APC2: variants seen among roughly 807,000 people sequenced by gnomAD.
The protein encoded by APC2 is APC regulator of Wnt signaling pathway 2.
A neutral mutation model predicts 72.5 loss-of-function variants in APC2; 41 were observed. The ratio of observed to expected loss-of-function variants is 0.57; its 90% CI spans 0.44 to 0.73. The LOEUF is 0.73. Ranked by LOEUF, APC2 falls within the 30% of genes least tolerant of loss-of-function variation. The probability of loss-of-function intolerance (pLI) is 0.00; values close to 1 mark genes in which losing one functional copy is unlikely to be tolerated. For missense variants in APC2, 3,729 were observed against 3,403.4 expected (o/e 1.10, Z -2.38); for synonymous variants, 1,898 against 1,612.0 (o/e 1.18, Z -4.25).
rs759319286 is a variant in APC2 at position 1,468,806 on chromosome 19, C to T, written c.5505C>T (p.Pro1835=). The part of the protein sequence containing the change: ...QPAAPAKVPS[P]GQQRSRSLHR... ...CGGCTCCAGCCAAAGTCCCGAGCCC[C>T]GGGCAGCAGCGGTCGCGGAGCCTAC... The change falls in exon 15 of 15, where the codon CCC becomes CCT. Residue 1835 remains proline (P), a synonymous_variant. Coordinates refer to ENST00000590469, the MANE Select transcript of APC2 (RefSeq NM_005883.3). 16 of 1,534,014 alleles carry T rather than the reference C, an allele frequency of 1.0e-5. No homozygotes were observed. The South Asian group carries it at 1.2e-4, about 11-fold the overall frequency.
intron 13 of APC2, 99 bp from the exon 14 acceptor site, chr19:1,461,859 AAAAAC>A: frequency 2.0e-6 from 2 of 1,015,438 alleles, no homozygotes; most frequent in Non-Finnish European, 2.8e-6. Context: ...CTCAAAAAAA[AAAAAC>A]AAAAAACAAA....
Position 1,456,888 on chromosome 19 carries a change from G to C in APC2, c.852G>C (p.Ala284=). Residue 284 remains alanine (A), a synonymous_variant, in exon 9 of 15, where the codon GCG becomes GCC. Coordinates refer to ENST00000590469, the MANE Select transcript of APC2 (RefSeq NM_005883.3). ...EVVFWLLSML[A]TRDQEDTART... The stretch of plus-strand genomic sequence containing the variant: ...TCTTCTGGCTGTTGTCCATGTTGGC[G>C]ACGCGCGACCAGGAGGATACAGCGC... 6.3e-7 allele frequency: 1 copy of C among 1,592,510 alleles called. No homozygotes were observed. Among genetic ancestry groups the C allele is most frequent in the Non-Finnish European group, 8.5e-7 (1 of 1,175,928 alleles).
In APC2 at chr19:1,457,973, C is replaced by G; in HGVS notation, c.1216C>G (p.Pro406Ala). 6.4e-7 allele frequency: 1 copy of G among 1,557,258 alleles called. No individual in the cohort carries two copies. Among genetic ancestry groups the G allele is most frequent in the Non-Finnish European group, 8.7e-7 (1 of 1,150,158 alleles). Residue 406 changes from proline (P) to alanine (A), a missense_variant, in exon 10 of 15, where the codon CCC becomes GCC. By Grantham distance (27) the Pro-to-Ala change is conservative. Coordinates refer to ENST00000590469, the MANE Select transcript of APC2 (RefSeq NM_005883.3). ...GGTCCCTGTGCCCACAGCCCCGATCCCCATCGAGCCGCAGATCTGCCAGGC... is the reference window on the plus strand; with the variant it reads ...GGTCCCTGTGCCCACAGCCCCGATCGCCATCGAGCCGCAGATCTGCCAGGC... ...EGGGAGSAPI[P>A]IEPQICQATC...
chr19:1,460,059 A>C, intron 10 of APC2, 122 bp from the exon 11 acceptor site: 1 of 1,352,376 alleles, frequency 7.4e-7, no homozygotes, highest in Non-Finnish European at 1.0e-6. Flanking sequence ...TTGGGCCTGG[A>C]AGGGGAACTT....
Position 1,469,085 on chromosome 19 carries a change from G to A in APC2, c.5784G>A (p.Val1928=), listed in dbSNP as rs2084083313. 2 of 1,501,966 alleles carry A rather than the reference G, an allele frequency of 1.3e-6. No individual in the cohort carries two copies. Among genetic ancestry groups the A allele is most frequent in the Non-Finnish European group, 1.8e-6 (2 of 1,124,312 alleles). The allele number at this position is 1,501,966 out of a possible 1,614,324, so 93.0% of individuals were successfully genotyped here. A position where few individuals can be genotyped will look rare whatever the true frequency, so the allele number is the denominator to read the frequency against. The part of the protein sequence containing the change: ...AKQHKTQRSP[V]RIPFMQRPAR... ...AGCACAAGACGCAGAGATCGCCCGT[G>A]CGGATCCCGTTCATGCAGAGGCCGG... Residue 1928 remains valine, a synonymous_variant, in exon 15 of 15, where the codon GTG becomes GTA. Transcript: ENST00000590469.
Position 1,469,137 on chromosome 19 carries a change from C to T in APC2, c.5836C>T (p.Arg1946Trp). ...PARRGPPPLARAVPEPGPRGR... is the reference protein window; with the variant it reads ...PARRGPPPLAWAVPEPGPRGR... ...CCGGCGTGGGCCGCCACCGCTGGCT[C>T]GGGCAGTCCCGGAGCCGGGCCCCAG... Residue 1946 changes from arginine to tryptophan, a missense_variant, in exon 15 of 15, where the codon CGG becomes TGG. By Grantham distance (101) the Arg-to-Trp change is moderately radical. Transcript: ENST00000590469. The T allele has an allele frequency of 1.5e-6, 2 of 1,312,902 alleles. No individual in the cohort carries two copies. Among genetic ancestry groups the T allele is most frequent in the South Asian group, 2.2e-5 (1 of 45,296 alleles). The allele number at this position is 1,312,902 out of a possible 1,614,324, so 81.3% of individuals were successfully genotyped here.
intron 10 of APC2, among the ~76,000 whole-genome samples, chr19:1,458,876 G>A (rs923028816): frequency 3.3e-5 from 5 of 152,070 alleles, no homozygotes; most frequent in Non-Finnish European, 4.4e-5. Context: ...TAGAGACGGG[G>A]TTTCACCGTG....
In APC2 at chr19:1,466,555, G is replaced by C; in HGVS notation, c.3254G>C (p.Ser1085Thr). ...TCCTCGGCCGGCCGCCCAGGCCCCA[G>C]CGAGGGTGGTGACCTGGATGACAGT... ...SLSSAGRPGPSEGGDLDDSDS... is the reference protein window; with the variant it reads ...SLSSAGRPGPTEGGDLDDSDS... Residue 1085 changes from serine to threonine, a missense_variant, in exon 15 of 15, where the codon AGC (serine) becomes ACC (threonine). By Grantham distance (58) the Ser-to-Thr change is moderately conservative (BLOSUM62 1). Coordinates refer to ENST00000590469, the MANE Select transcript of APC2 (RefSeq NM_005883.3). 1 of 1,582,568 alleles carries C rather than the reference G, an allele frequency of 6.3e-7. No individual in the cohort carries two copies. The highest frequency in any genetic ancestry group is 8.5e-7 in the Non-Finnish European group (1 of 1,172,204).
Position 1,461,654 on chromosome 19 carries a change from C to T in APC2, c.1639-309C>T, listed in dbSNP as rs974707678. 4.0e-5 allele frequency: 15 copies of T among 372,082 alleles called. 1 individual carries two copies. The South Asian group carries it at 4.8e-4, about 12-fold the overall frequency. The allele number at this position is 372,082 out of a possible 1,614,324, so 23.0% of individuals were successfully genotyped here. ...GATCACAAGGTCAGGAGATCGAGAC[C>T]ATCCTGGCTAACACGGTGAAACCCC... On this transcript the variant is annotated intron_variant, in intron 13 of 14. Transcript: ENST00000590469.
At position 1,453,018 on chromosome 19, in the gene APC2, C is replaced by A; in HGVS notation, c.17C>A (p.Ala6Glu). 6.2e-7 allele frequency: 1 copy of A among 1,611,234 alleles called. No homozygotes were observed. The highest frequency in any genetic ancestry group is 2.2e-5 in the East Asian group (1 of 44,878). ...GAGCTGAAGATGGCGAGCTCCGTGGCGCCCTACGAGCAGCTGGTGAGGCAG... is the reference window on the plus strand; with the variant it reads ...GAGCTGAAGATGGCGAGCTCCGTGGAGCCCTACGAGCAGCTGGTGAGGCAG... MASSV[A>E]PYEQLVRQVE... The change falls in exon 2 of 15, where the codon GCG (alanine) becomes GAG (glutamate). Residue 6 changes from alanine (A) to glutamate (E), a missense_variant. By Grantham distance (107) the Ala-to-Glu change is moderately radical. Transcript: ENST00000590469.
At chr19:1,449,092 A>G (rs1161770360), upstream of APC2, among the ~76,000 whole-genome samples, 1 of 152,202 alleles carries the variant, frequency 6.6e-6, no homozygotes, top group African/African-American at 2.4e-5. Flanking sequence ...GGGGCCTTGA[A>G]TACTCGGACC....
Position 1,461,956 on chromosome 19 carries a change from C to G in APC2, c.1639-7C>G, listed in dbSNP as rs577508757. 6.3e-7 allele frequency: 1 copy of G among 1,599,724 alleles called. No individual in the cohort carries two copies. The highest frequency in any genetic ancestry group is 8.6e-7 in the Non-Finnish European group (1 of 1,169,552). ...CCTGACCCGCCCCTCTCCCGCCCCT[C>G]GTCCAGGAGTCCACCCTGAAGAGCG... On this transcript the variant is annotated splice_region_variant and splice_polypyrimidine_tract_variant and intron_variant, in intron 13 of 14. Coordinates refer to ENST00000590469, the MANE Select transcript of APC2 (RefSeq NM_005883.3).
chr19:1,457,273 G>C, intron 9 of APC2, 30 bp downstream of exon 9: 1 of 1,490,220 alleles, frequency 6.7e-7, no homozygotes, highest in South Asian at 1.3e-5. Context: ...GGCCCCCTCC[G>C]CGCAATTAAC....
At chr19:1,453,169 C>T (rs1287017177) in intron 2 of APC2, 27 bp downstream of exon 2, 1 of 1,585,314 alleles carries the variant, frequency 6.3e-7, no homozygotes, top group East Asian at 2.3e-5. Flanking sequence ...AGGAGGTGGG[C>T]TAGGGTCCCG....
In APC2 at chr19:1,465,164, C is replaced by T. The variant is rs1330594757; in HGVS notation, c.1863C>T (p.Leu621=). Residue 621 remains leucine, a synonymous_variant, in exon 15 of 15, where the codon CTC becomes CTT. Coordinates refer to ENST00000590469, the MANE Select transcript of APC2 (RefSeq NM_005883.3). The part of the protein sequence containing the change: ...VATREDYRQV[L]RDHNCLQTLL... The stretch of plus-strand genomic sequence containing the variant: ...CGCCCTGTGCCTACAGGCAGGTGCT[C>T]CGGGATCACAACTGTCTGCAGACGC... The T allele has an allele frequency of 3.1e-6, 5 of 1,599,830 alleles. No homozygotes were observed. Among genetic ancestry groups the T allele is most frequent in the East Asian group, 2.3e-5 (1 of 44,060 alleles).
chr19:1,460,459 AG>A, intron 11 of APC2, 139 bp downstream of exon 11: 1 of 1,349,200 alleles, frequency 7.4e-7, no homozygotes, highest in Admixed American at 2.1e-5. Context: ...GGGTAGACTG[AG>A]GCCCAGAGAG....
rs2083754144 is a variant in APC2 at position 1,452,419 on chromosome 19, G to A, written c.-18-565G>A. 1.2e-5 allele frequency: 2 copies of A among 162,374 alleles called. No homozygotes were observed. Among genetic ancestry groups the A allele is most frequent in the African/African-American group, 4.8e-5 (2 of 41,522 alleles). The allele number at this position is 162,374 out of a possible 1,614,324, so 10.1% of individuals were successfully genotyped here. A position where few individuals can be genotyped will look rare whatever the true frequency, so the allele number is the denominator to read the frequency against. ...TGTCCTGCCGTTTCTGCACAGCTTA[G>A]GTGTCACCCACTGGCCTTCGTGGTG... On this transcript the variant is annotated intron_variant, in intron 1 of 14. Transcript: ENST00000590469. The surrounding 1 kb of genome is among the most constrained non-coding windows in gnomAD (Gnocchi z 5.1).
intron 13 of APC2, 181 bp downstream of exon 13, chr19:1,461,334 G>A: frequency 1.6e-6 from 1 of 623,416 alleles, no homozygotes; most frequent in African/African-American, 1.8e-5. Context: ...GAAAGCAAAT[G>A]TGGGCTGGGC....
At position 1,468,624 on chromosome 19, in the gene APC2, C is replaced by A; in HGVS notation, c.5323C>A (p.Arg1775Ser). The A allele has an allele frequency of 6.2e-7, 1 of 1,601,770 alleles. No homozygotes were observed. The highest frequency in any genetic ancestry group is 1.1e-5 in the South Asian group (1 of 89,886). ...PRSPAGPEKP[R>S]GTQKTTPGVP... ...TTCCCCTGCAGGCCCCGAGAAGCCA[C>A]GTGGCACACAGAAGACCACGCCCGG... The change falls in exon 15 of 15, where the codon CGT becomes AGT. Residue 1775 changes from arginine (R) to serine (S), a missense_variant. Arg to Ser is a moderately radical substitution (Grantham distance 110, BLOSUM62 -1). Coordinates refer to ENST00000590469, the MANE Select transcript of APC2 (RefSeq NM_005883.3).
Sources: gnomAD v4.1 joint callset for allele counts (sites outside exome capture counted in the v4.1 genomes callset) on GRCh38, gnomAD v4.1.1 for gene constraint, Gnocchi (gnomAD v3.1) non-coding constraint, MANE v1.5 for transcripts, NCBI Gene and HGNC (gene_info 2026-07-23, HGNC 2026-07-21) for gene names.